TKT: variants seen among roughly 807,000 people sequenced by gnomAD.
TKT encodes epididymis luminal protein 107.
Under a neutral mutation model 63.9 loss-of-function variants are expected in TKT, and 47 were observed. The observed-to-expected ratio is 0.74, with a 90% confidence interval of 0.58 to 0.94. The LOEUF is 0.94. Among genes scored for constraint, TKT ranks in the 40% least tolerant of loss-of-function variants. The probability of loss-of-function intolerance (pLI) is 0.00; values close to 1 mark genes in which losing one functional copy is unlikely to be tolerated. For synonymous variants in TKT, 338 were observed against 334.1 expected (o/e 1.01, Z -0.13); for missense variants, 721 against 846.2 (o/e 0.85, Z 1.84).
At chr3:53,240,155 A>T in intron 4 of TKT, 96 bp downstream of exon 4, 1 of 1,204,416 alleles carries the variant, frequency 8.3e-7, no homozygotes, top group Non-Finnish European at 1.2e-6. Context: ...CCTAGCCAGG[A>T]AAGAGGAAGA....
Position 53,230,630 on chromosome 3 carries a change from AAG to A in TKT, c.943-11_943-10del. On this transcript the variant is annotated splice_polypyrimidine_tract_variant and intron_variant, in intron 7 of 13. Transcript: ENST00000462138. The stretch of plus-strand genomic sequence containing the variant: ...GCCTTGCGGGTGGCTATCTGTGAGG[AAG>A]AGAGTGGGAAGGCTCTGGACCCCTC... The A allele has an allele frequency of 6.2e-7, 1 of 1,613,946 alleles. No individual in the cohort carries two copies. Among genetic ancestry groups the A allele is most frequent in the Non-Finnish European group, 8.5e-7 (1 of 1,179,904 alleles).
At chr3:53,232,087 G>A (rs893698404) in intron 6 of TKT, 2 of 351,504 alleles carry the variant, frequency 5.7e-6, no homozygotes, top group East Asian at 4.3e-5. Context: ...ACCTTGTTGT[G>A]TGCGGCCAGG....
chr3:53,237,495 TACACACACACACAC>T lies in TKT; in HGVS notation c.438-2335_438-2322del, dbSNP rs3075727. Among the ~76,000 whole-genome samples the T allele has an allele frequency of 5.5e-4, 80 of 144,898 alleles. 1 individual carries two copies. The highest frequency in any genetic ancestry group is 2.8e-3 in the Admixed American group (40 of 14,314). On this transcript the variant is annotated intron_variant, in intron 4 of 13. Transcript: ENST00000462138. Reference sequence around the variant, plus strand: ...AAGTGTAATACTAGATTTTATATTATACACACACACACACACACACACACACACACACACACACA... The same window carrying T: ...AAGTGTAATACTAGATTTTATATTATACACACACACACACACACACACACA...
intron 6 of TKT, chr3:53,232,265 G>T (rs542672090): frequency 1.4e-4 from 55 of 398,076 alleles, no homozygotes; most frequent in South Asian, 4.2e-4. Context: ...ACACCAGAGG[G>T]CAGTGCCAGG....
intron 8 of TKT, 79 bp downstream of exon 8, chr3:53,230,378 C>T (rs1032341341): frequency 5.1e-6 from 8 of 1,583,420 alleles, no homozygotes; most frequent in East Asian, 2.2e-5. Context: ...CCTGGCTCTG[C>T]CAACATGGCT....
chr3:53,234,956 A>T (rs782356604), intron 5 of TKT, 27 bp downstream of exon 5: 1 of 1,583,632 alleles, frequency 6.3e-7, no homozygotes, highest in East Asian at 2.3e-5. Flanking sequence ...TGCTGTGACC[A>T]CACTCAGGCC....
chr3:53,251,031 A>G (rs534309041), intron 1 of TKT, among the ~76,000 whole-genome samples: 2 of 152,204 alleles, frequency 1.3e-5, no homozygotes, highest in South Asian at 2.1e-4. Context: ...CTGGCCTCCC[A>G]AAGTGCTGTG....
At chr3:53,245,516 G>A (rs1705467848) in intron 1 of TKT, among the ~76,000 whole-genome samples, 1 of 152,086 alleles carries the variant, frequency 6.6e-6, no homozygotes, top group Non-Finnish European at 1.5e-5. Flanking sequence ...GGGCGCGGTA[G>A]CTCACACCCG....
chr3:53,255,949 G>A lies in TKT; in HGVS notation c.-7C>T. ...GCTTGTGGTAGCTCTCCATGGTGCGGCAGGCGGGGACCGGGCGCACACGCG... is the reference window on the plus strand; with the variant it reads ...GCTTGTGGTAGCTCTCCATGGTGCGACAGGCGGGGACCGGGCGCACACGCG... On this transcript the variant is annotated 5_prime_UTR_variant, in exon 1 of 14. Transcript: ENST00000462138. The A allele has an allele frequency of 1.3e-6, 2 of 1,510,974 alleles. No individual in the cohort carries two copies. Among genetic ancestry groups the A allele is most frequent in the East Asian group, 2.8e-5 (1 of 36,208 alleles). 93.6% of individuals were successfully genotyped at this position (1,510,974 alleles called of 1,614,324 possible). A position where few individuals can be genotyped will look rare whatever the true frequency, so the allele number is the denominator to read the frequency against.
In TKT at chr3:53,255,894, C is replaced by T. The variant is rs1422586752; in HGVS notation, c.49G>A (p.Asp17Asn). The change falls in exon 1 of 14, where the codon GAC becomes AAC. Residue 17 changes from aspartate to asparagine, a missense_variant. Physicochemically the swap from Asp to Asn is conservative, Grantham distance 23. Coordinates refer to ENST00000462138, the MANE Select transcript of TKT (RefSeq NM_001064.4). ...PDQQKLQALK[D>N]TANRLRISSI... ...CTGATACGTAGGCGGTTGGCCGTGT[C>T]CTTCAAGGCCTGCAGCTTCTGCTGG... 1 of 1,549,638 alleles carries T rather than the reference C, an allele frequency of 6.5e-7. No individual in the cohort carries two copies. The highest frequency in any genetic ancestry group is 8.7e-7 in the Non-Finnish European group (1 of 1,148,424).
At chr3:53,226,252 C>T (rs1704494287) in intron 13 of TKT, 1 of 291,140 alleles carries the variant, frequency 3.4e-6, no homozygotes, top group East Asian at 6.8e-5. Context: ...AATATGGCCT[C>T]TAAATGTTTG....
chr3:53,231,264 C>G, intron 7 of TKT, 93 bp downstream of exon 7: 1 of 1,430,792 alleles, frequency 7.0e-7, no homozygotes, highest in Non-Finnish European at 9.5e-7. Flanking sequence ...AATCGCTCTC[C>G]TCCCTTTCCC....
chr3:53,226,728 C>T lies in TKT; in HGVS notation c.1696+28G>A, dbSNP rs374330412. On this transcript the variant is annotated intron_variant, in intron 13 of 13. Coordinates refer to ENST00000462138, the MANE Select transcript of TKT (RefSeq NM_001064.4). ...TCGGCTCTCTGGCCCTGTCCCTTGC[C>T]CAGCCTGCCTGCCCCAGGCCTCCTT... The T allele has an allele frequency of 2.5e-6, 4 of 1,613,830 alleles. No individual in the cohort carries two copies. The African/African-American group carries it at 5.3e-5, about 22-fold the overall frequency.
Position 53,231,446 on chromosome 3 carries a change from G to A in TKT, c.853C>T (p.Leu285=), listed in dbSNP as rs1704753746. The A allele has an allele frequency of 6.2e-7, 1 of 1,614,202 alleles. No individual in the cohort carries two copies. The highest frequency in any genetic ancestry group is 2.2e-5 in the East Asian group (1 of 44,884). Residue 285 remains leucine, a synonymous_variant, in exon 7 of 14, where the codon CTG becomes TTG. Coordinates refer to ENST00000462138, the MANE Select transcript of TKT (RefSeq NM_001064.4). The stretch of plus-strand genomic sequence containing the variant: ...GCGTCCTCCTGTGGAGGGGTTGCCA[G>A]GATCTTCTTTTTGCTCTGGATCTGG... ...YSQIQSKKKI[L]ATPPQEDAPS...
chr3:53,227,034 TC>T, intron 12 of TKT, 156 bp from the exon 13 acceptor site: 1 of 886,448 alleles, frequency 1.1e-6, no homozygotes, highest in Non-Finnish European at 1.7e-6. Context: ...GCCACCTCGT[TC>T]CCATGGCTGA....
At chr3:53,254,042 G>T (rs1321733601) in intron 1 of TKT, among the ~76,000 whole-genome samples, 1 of 152,180 alleles carries the variant, frequency 6.6e-6, no homozygotes, top group Non-Finnish European at 1.5e-5. Flanking sequence ...ATCTCACAGG[G>T]TTATTCTCAG....
At position 53,252,166 on chromosome 3, in the gene TKT, C is replaced by T. The variant is rs530500532; in HGVS notation, c.107+3670G>A. Among the ~76,000 whole-genome samples, 455 of 152,276 alleles carry T rather than the reference C, an allele frequency of 3.0e-3. 2 individuals carry two copies. The highest frequency in any genetic ancestry group is 0.011 in the African/African-American group (439 of 41,570). Reference sequence around the variant, plus strand: ...AAAAGAAAAAGAACTGGATCAAAGTCCTGTGAGCTCCCCCAGAAAAGGGGA... The same window carrying T: ...AAAAGAAAAAGAACTGGATCAAAGTTCTGTGAGCTCCCCCAGAAAAGGGGA... On this transcript the variant is annotated intron_variant, in intron 1 of 13. Transcript: ENST00000462138.
intron 10 of TKT, chr3:53,228,773 G>T: frequency 1.6e-6 from 1 of 623,030 alleles, no homozygotes; most frequent in Non-Finnish European, 2.7e-6. Flanking sequence ...GGCCAGGGCT[G>T]CCAGGATTCT....
chr3:53,243,095 A>G (rs1190788129), intron 1 of TKT, among the ~76,000 whole-genome samples: 1 of 152,036 alleles, frequency 6.6e-6, no homozygotes, highest in Non-Finnish European at 1.5e-5. Context: ...CAAAGCAAGA[A>G]CCTGCCTTCC....
Sources: allele counts gnomAD v4.1 joint callset (sites outside exome capture counted in the v4.1 genomes callset), GRCh38; gene constraint gnomAD v4.1.1; transcripts MANE v1.5; gene names NCBI Gene and HGNC (gene_info 2026-07-23, HGNC 2026-07-21).